The following MAP2 variants were observed in gnomAD, a reference collection of about 807,000 sequenced individuals.
MAP2 encodes microtubule-associated protein 2.
MAP2 carries 14 observed loss-of-function variants against 137.6 expected under a neutral mutation model. The observed-to-expected ratio is 0.10, with a 90% CI of 0.07 to 0.16. The LOEUF (loss-of-function observed/expected upper bound fraction) is 0.16. Ranked by LOEUF, MAP2 falls within the 10% of genes least tolerant of loss-of-function variation. The probability of loss-of-function intolerance (pLI) is 1.00; values close to 1 mark genes in which losing one functional copy is unlikely to be tolerated. For synonymous variants in MAP2, 786 were observed against 782.3 expected, an observed-to-expected ratio of 1.00 and a Z score of -0.08; for missense variants, 2,088 against 2,191.5, an observed-to-expected ratio of 0.95 and a Z score of 0.94.
intron 13 of MAP2, among the ~76,000 whole-genome samples, chr2:209,713,660 A>C (rs1488516342): frequency 6.6e-6 from 1 of 152,198 alleles, no homozygotes; most frequent in Non-Finnish European, 1.5e-5. Context: ...TAGAATAAAT[A>C]ATGTTAGCTT....
chr2:209,473,979 A>G (rs991941685), intron 1 of MAP2, among the ~76,000 whole-genome samples: 1 of 152,112 alleles, frequency 6.6e-6, no homozygotes, highest in South Asian at 2.1e-4. Context: ...ATCTTTGTCT[A>G]TTTCTGTGTG....
chr2:209,563,686 C>G (rs79858551), intron 2 of MAP2, among the ~76,000 whole-genome samples: 3,006 of 152,276 alleles, frequency 0.02, 97 homozygotes, highest in African/African-American at 0.068. Flanking sequence ...TAACATAGCC[C>G]CTTGTGGGCG....
intron 1 of MAP2, among the ~76,000 whole-genome samples, chr2:209,475,680 G>A (rs998238976): frequency 2.0e-5 from 3 of 152,042 alleles, no homozygotes; most frequent in Non-Finnish European, 2.9e-5. Flanking sequence ...TTGAACTACT[G>A]TTCTATTAAT....
Position 209,710,264 on chromosome 2 carries a change from G to T in MAP2, c.5073+10G>T. The T allele has an allele frequency of 6.5e-7, 1 of 1,548,620 alleles. No homozygotes were observed. The highest frequency in any genetic ancestry group is 8.8e-7 in the Non-Finnish European group (1 of 1,141,932). ...GCCTAAAGGGGGGCAGGTAAGAATT[G>T]CATGAACACATATTTGCTGCCAGAA... On this transcript the variant is annotated intron_variant, in intron 13 of 15. Transcript: ENST00000682079.
chr2:209,640,126 A>C (rs951529619), intron 4 of MAP2, among the ~76,000 whole-genome samples: 19 of 151,766 alleles, frequency 1.3e-4, no homozygotes, highest in African/African-American at 3.4e-4. Context: ...TGTCCTTTAA[A>C]CCCTCTTCCA....
intron 2 of MAP2, among the ~76,000 whole-genome samples, chr2:209,518,693 C>T (rs2062861624): frequency 6.6e-6 from 1 of 151,962 alleles, no homozygotes; most frequent in African/African-American, 2.4e-5. Context: ...TTCATTCTCT[C>T]TTCATGCACA....
At chr2:209,592,114 A>C (rs1409495211) in intron 3 of MAP2, among the ~76,000 whole-genome samples, 1 of 152,138 alleles carries the variant, frequency 6.6e-6, no homozygotes, top group Non-Finnish European at 1.5e-5. Context: ...TCTTTCTTCT[A>C]AACTGGGTTC....
At chr2:209,617,180 C>A (rs2089754778) in intron 3 of MAP2, among the ~76,000 whole-genome samples, 1 of 152,050 alleles carries the variant, frequency 6.6e-6, no homozygotes, top group African/African-American at 2.4e-5. Context: ...GTTTCTATGA[C>A]TTGTGTTGGA....
intron 3 of MAP2, among the ~76,000 whole-genome samples, chr2:209,586,277 A>G (rs570301417): frequency 6.6e-6 from 1 of 152,288 alleles, no homozygotes; most frequent in South Asian, 2.1e-4. Context: ...GTAATCAGAA[A>G]AAAGACAAAT....
chr2:209,532,052 AAT>A (rs2065187538), intron 2 of MAP2, among the ~76,000 whole-genome samples: 2 of 152,042 alleles, frequency 1.3e-5, no homozygotes, highest in African/African-American at 4.8e-5. Flanking sequence ...CAGCTTGGGC[AAT>A]ATAGTGAGAC....
At chr2:209,558,882 A>G (rs1334702514) in intron 2 of MAP2, among the ~76,000 whole-genome samples, 3 of 151,924 alleles carry the variant, frequency 2.0e-5, no homozygotes, top group Non-Finnish European at 4.4e-5. Flanking sequence ...TTCAGAGTAT[A>G]TATTTTTTGG....
chr2:209,501,939 C>T (rs1576460491), intron 1 of MAP2, among the ~76,000 whole-genome samples: 1 of 152,144 alleles, frequency 6.6e-6, no homozygotes, highest in African/African-American at 2.4e-5. Context: ...ATGAATACCT[C>T]TTTTCCCTCA....
chr2:209,440,716 A>C (rs982577394), intron 1 of MAP2, among the ~76,000 whole-genome samples: 2 of 151,508 alleles, frequency 1.3e-5, no homozygotes, highest in Non-Finnish European at 3.0e-5. Flanking sequence ...TTGGAATTAT[A>C]AGGCACCTTT....
At chr2:209,437,518 T>G (rs1242037371) in intron 1 of MAP2, among the ~76,000 whole-genome samples, 1 of 151,590 alleles carries the variant, frequency 6.6e-6, no homozygotes, top group Non-Finnish European at 1.5e-5. Context: ...ATTTCGATAA[T>G]AGGTAGATAT....
intron 2 of MAP2, among the ~76,000 whole-genome samples, chr2:209,510,289 T>C (rs1202752948): frequency 1.3e-5 from 2 of 152,034 alleles, no homozygotes; most frequent in East Asian, 3.9e-4. Flanking sequence ...AAAAGGTGAT[T>C]TTTAATGGCT....
intron 7 of MAP2, chr2:209,690,604 A>G (rs570384418): frequency 7.8e-7 from 1 of 1,278,702 alleles, no homozygotes; most frequent in Non-Finnish European, 1.0e-6. Context: ...ATCCCTAAGA[A>G]GAAGAAACGC....
chr2:209,499,311 A>G (rs953421961), intron 1 of MAP2, among the ~76,000 whole-genome samples: 12 of 152,316 alleles, frequency 7.9e-5, no homozygotes, highest in African/African-American at 2.4e-4. Flanking sequence ...CCCAGTTCCC[A>G]GTAAGTTCCT....
intron 4 of MAP2, among the ~76,000 whole-genome samples, chr2:209,628,343 AT>A (rs2092628760): frequency 6.6e-6 from 1 of 152,130 alleles, no homozygotes; most frequent in Non-Finnish European, 1.5e-5. Context: ...AACCTTAAAT[AT>A]TACAGTGCAG....
chr2:209,500,791 C>T (rs1398154569), intron 1 of MAP2, among the ~76,000 whole-genome samples: 1 of 152,056 alleles, frequency 6.6e-6, no homozygotes, highest in African/African-American at 2.4e-5. Flanking sequence ...TGCCTATAAT[C>T]TCAGCAATTT....
Sources: gnomAD v4.1 joint callset for allele counts (sites outside exome capture counted in the v4.1 genomes callset) on GRCh38, gnomAD v4.1.1 for gene constraint, MANE v1.5 for transcripts, NCBI Gene and HGNC (gene_info 2026-07-23, HGNC 2026-07-21) for gene names.